The following MEF2A variants were observed in gnomAD, a reference collection of about 807,000 sequenced individuals.
MEF2A encodes the protein myocyte-specific enhancer factor 2A.
MEF2A carries 28 observed loss-of-function variants against 55.8 expected under a neutral mutation model. The observed-to-expected ratio is 0.50, with a 90% CI of 0.37 to 0.69. The LOEUF is 0.69. Among genes scored for constraint, MEF2A ranks in the 30% least tolerant of loss-of-function variants. The pLI, the probability that MEF2A is intolerant of heterozygous loss-of-function variation, is 0.00. For missense variants in MEF2A, 528 were observed against 626.2 expected, an observed-to-expected ratio of 0.84 and a Z score of 1.67; for synonymous variants, 239 against 227.1, an observed-to-expected ratio of 1.05 and a Z score of -0.47.
At chr15:99,612,970 G>A (rs1244103209) in intron 2 of MEF2A, among the ~76,000 whole-genome samples, 3 of 152,016 alleles carry the variant, frequency 2.0e-5, no homozygotes, top group African/African-American at 4.8e-5. Context: ...AAACGGGAGA[G>A]AGAGATTTCT....
In MEF2A at chr15:99,674,384, T is replaced by C; in HGVS notation, c.391-9T>C. 1 of 1,581,026 alleles carries C rather than the reference T, an allele frequency of 6.3e-7. No homozygotes were observed. The highest frequency in any genetic ancestry group is 8.6e-7 in the Non-Finnish European group (1 of 1,161,108). Reference sequence around the variant, plus strand: ...CAACAGTTTTTTCCTTCTTTTTCTTTATTTACAGCCTGGTCTGCCACCTCA... The same window carrying C: ...CAACAGTTTTTTCCTTCTTTTTCTTCATTTACAGCCTGGTCTGCCACCTCA... On this transcript the variant is annotated splice_polypyrimidine_tract_variant and intron_variant, in intron 5 of 11. Transcript: ENST00000557942.
chr15:99,707,324 C>T (rs894667942), intron 10 of MEF2A, among the ~76,000 whole-genome samples: 3 of 152,112 alleles, frequency 2.0e-5, no homozygotes, highest in South Asian at 2.1e-4. Context: ...TTGGCTGTGT[C>T]GAACAGGCTG....
intron 10 of MEF2A, among the ~76,000 whole-genome samples, chr15:99,707,667 A>C (rs903429980): frequency 6.6e-6 from 1 of 152,172 alleles, no homozygotes; most frequent in Non-Finnish European, 1.5e-5. Context: ...CAAACACCTG[A>C]TGCTTCAGAG....
chr15:99,651,465 G>A (rs1332123761), intron 4 of MEF2A, among the ~76,000 whole-genome samples: 1 of 152,146 alleles, frequency 6.6e-6, no homozygotes, highest in Non-Finnish European at 1.5e-5. Context: ...ATGTTTTACA[G>A]GGCTGCAGTG....
chr15:99,608,058 C>T (rs1181630258), intron 2 of MEF2A, among the ~76,000 whole-genome samples: 1 of 152,120 alleles, frequency 6.6e-6, no homozygotes, highest in African/African-American at 2.4e-5. Flanking sequence ...ATTTTATAGA[C>T]TGGTCATCCA....
chr15:99,625,787 A>G (rs2041953897), intron 2 of MEF2A, among the ~76,000 whole-genome samples: 1 of 151,914 alleles, frequency 6.6e-6, no homozygotes, highest in African/African-American at 2.4e-5. Flanking sequence ...TGATTTTAGT[A>G]TGTTGAAACA....
intron 3 of MEF2A, 99 bp from the exon 4 acceptor site, chr15:99,645,462 A>T (rs1203718104): frequency 3.4e-6 from 3 of 874,212 alleles, no homozygotes; most frequent in Non-Finnish European, 5.3e-6. Flanking sequence ...TCCATCTTTG[A>T]AATCTGGCTC....
intron 7 of MEF2A, among the ~76,000 whole-genome samples, chr15:99,689,733 G>T (rs28497795): frequency 6.6e-6 from 1 of 152,060 alleles, no homozygotes; most frequent in African/African-American, 2.4e-5. Context: ...CACCCTCCTC[G>T]GCATACCGAA....
At chr15:99,681,585 T>G (rs548842929) in intron 7 of MEF2A, among the ~76,000 whole-genome samples, 1,919 of 152,294 alleles carry the variant, frequency 0.013, 35 homozygotes, top group Non-Finnish European at 0.019. Context: ...TGTTGCCTTT[T>G]GGGGGCTGCC....
chr15:99,638,589 C>G (rs1246260118), intron 3 of MEF2A, among the ~76,000 whole-genome samples: 2 of 152,056 alleles, frequency 1.3e-5, no homozygotes, highest in African/African-American at 2.4e-5. Flanking sequence ...GATAAAACAG[C>G]CTAGTACGTT....
At chr15:99,667,122 T>G (rs150676099) in intron 4 of MEF2A, among the ~76,000 whole-genome samples, 1 of 152,352 alleles carries the variant, frequency 6.6e-6, no homozygotes, top group East Asian at 1.9e-4. Context: ...CGAGGGTTAC[T>G]AGGAATCTCT....
At chr15:99,680,135 T>C (rs1173457275) in intron 7 of MEF2A, among the ~76,000 whole-genome samples, 1 of 152,196 alleles carries the variant, frequency 6.6e-6, no homozygotes, top group Non-Finnish European at 1.5e-5. Context: ...GGACCACTCT[T>C]CCCCTAGTCT....
chr15:99,691,070 C>T (rs1005301752), intron 8 of MEF2A, among the ~76,000 whole-genome samples: 5 of 150,540 alleles, frequency 3.3e-5, no homozygotes, highest in East Asian at 2.0e-4. Flanking sequence ...TCACATGTAC[C>T]CCATTAATAT....
At chr15:99,576,592 A>G (rs767690134) in intron 1 of MEF2A, among the ~76,000 whole-genome samples, 4 of 149,970 alleles carry the variant, frequency 2.7e-5, no homozygotes, top group Non-Finnish European at 4.4e-5. Context: ...GATTTTATAT[A>G]TTTTGTTTTT....
intron 11 of MEF2A, among the ~76,000 whole-genome samples, chr15:99,711,666 G>GTCCCT (rs752555875): frequency 6.6e-6 from 1 of 152,232 alleles, no homozygotes; most frequent in East Asian, 1.9e-4. Flanking sequence ...GAGCTCAGCA[G>GTCCCT]TCCCTTTCCC....
intron 2 of MEF2A, among the ~76,000 whole-genome samples, chr15:99,623,144 T>G (rs2041511562): frequency 6.6e-6 from 1 of 152,240 alleles, no homozygotes; most frequent in Admixed American, 6.5e-5. Flanking sequence ...TTCATACCAA[T>G]GGACTCATTA....
In MEF2A at chr15:99,712,539, C is replaced by CA. The variant is rs1567520917; in HGVS notation, c.1286_1287insA (p.Pro430AlafsTer31). 24 of 1,518,098 alleles carry CA rather than the reference C, an allele frequency of 1.6e-5. No individual in the cohort carries two copies. In the African/African-American group the frequency reaches 1.8e-4, roughly 12 times the overall value. The allele number at this position is 1,518,098 out of a possible 1,614,324, so 94.0% of individuals were successfully genotyped here. ...CAGCAGCAGCAGCAGCAGCAGCAGC[C>CA]GCCGCCACCACCGCAGCCCCAGCCA... On this transcript the variant is annotated frameshift_variant, in exon 12 of 12. Coordinates refer to ENST00000557942, the MANE Select transcript of MEF2A (RefSeq NM_001319206.4). LOFTEE classifies it high-confidence loss of function. This position sits in a 1 kb window ranked among gnomAD's most constrained non-coding sequence, Gnocchi z 4.1.
chr15:99,701,338 T>C (rs1567487838), intron 8 of MEF2A, among the ~76,000 whole-genome samples: 2 of 152,134 alleles, frequency 1.3e-5, no homozygotes, highest in African/African-American at 2.4e-5. Flanking sequence ...CAGACCCAAA[T>C]TGAGAGACAT....
At chr15:99,639,553 C>G (rs78377083) in intron 3 of MEF2A, among the ~76,000 whole-genome samples, 2 of 152,258 alleles carry the variant, frequency 1.3e-5, no homozygotes, top group South Asian at 4.1e-4. Context: ...GTTGACCTGT[C>G]TCATTATACA....
Sources: allele counts gnomAD v4.1 joint callset (sites outside exome capture counted in the v4.1 genomes callset), GRCh38; gene constraint gnomAD v4.1.1; non-coding constraint Gnocchi (gnomAD v3.1); transcripts MANE v1.5; gene names NCBI Gene and HGNC (gene_info 2026-07-23, HGNC 2026-07-21).